Variants in SMAD2 observed in about 807,000 individuals in gnomAD.
The protein encoded by SMAD2 is MAD homolog 2.
In SMAD2, 8 loss-of-function variants were observed where a neutral mutation model predicts 64.4. That is an observed-to-expected ratio of 0.12 (90% CI 0.07 to 0.22). The LOEUF is 0.22. Among genes scored for constraint, SMAD2 ranks in the 10% least tolerant of loss-of-function variants. SMAD2 has a pLI of 1.00. For synonymous variants in SMAD2, 203 were observed against 195.8 expected, an observed-to-expected ratio of 1.04 and a Z score of -0.31; for missense variants, 289 against 561.2, an observed-to-expected ratio of 0.51 and a Z score of 4.90.
chr18:47,882,333 C>T (rs1168718128), intron 2 of SMAD2: 6 of 152,180 alleles, frequency 3.9e-5, no homozygotes, highest in Admixed American at 2.6e-4. Flanking sequence ...TAGCTGAAAC[C>T]ACAGGGGCAT....
rs554656356 is a variant in SMAD2 at position 47,906,644 on chromosome 18, G to C, written c.-53-9835C>G. On this transcript the variant is annotated intron_variant, in intron 1 of 10. Coordinates refer to ENST00000262160, the MANE Select transcript of SMAD2 (RefSeq NM_005901.6). ...TAATCGCAATCACAGCACAAATTTA[G>C]CAAAATCAGTTTCAATGAACTACAG... is the stretch of plus-strand genomic sequence containing the variant. 3.3e-5 allele frequency among the ~76,000 whole-genome samples: 5 copies of C among 152,276 alleles called. No individual in the cohort carries two copies. The South Asian group carries it at 1.0e-3, about 32-fold the overall frequency.
At chr18:47,900,503 C>T (rs1809087326) in intron 1 of SMAD2, among the ~76,000 whole-genome samples, 1 of 152,122 alleles carries the variant, frequency 6.6e-6, no homozygotes, top group South Asian at 2.1e-4. Context: ...TCCCCCTCCC[C>T]ATCCTCCTTT....
chr18:47,834,817 G>A lies in SMAD2; in HGVS notation c.*7010C>T, dbSNP rs1322271574. On this transcript the variant is annotated 3_prime_UTR_variant, in exon 11 of 11. Transcript: ENST00000262160. ...CTCTTTTTGCAATTAATCCAGTTTT[G>A]TATGTCTTTTCTTTCTTTTTTAGGT... The A allele has an allele frequency of 4.6e-6, 1 of 218,436 alleles. No individual in the cohort carries two copies. Among genetic ancestry groups the A allele is most frequent in the African/African-American group, 2.2e-5 (1 of 44,456 alleles). The allele number at this position is 218,436 out of a possible 1,614,324, so 13.5% of individuals were successfully genotyped here.
chr18:47,865,036 A>G, intron 6 of SMAD2, 23 bp downstream of exon 6: 1 of 1,422,234 alleles, frequency 7.0e-7, no homozygotes, highest in Non-Finnish European at 9.9e-7. Context: ...TAACTGAGGA[A>G]TTTTCAAAGA....
At chr18:47,888,699 G>A (rs1047902221) in intron 2 of SMAD2, among the ~76,000 whole-genome samples, 22 of 152,176 alleles carry the variant, frequency 1.4e-4, no homozygotes, top group Non-Finnish European at 1.6e-4. Context: ...GGTAAAGGTA[G>A]GAAAGGTCAA....
intron 1 of SMAD2, among the ~76,000 whole-genome samples, chr18:47,916,769 G>C (rs2034353834): frequency 6.6e-6 from 1 of 152,064 alleles, no homozygotes; most frequent in Non-Finnish European, 1.5e-5. Flanking sequence ...AAGCCAACTT[G>C]GTAATTTGTT....
chr18:47,835,119 A>G lies in SMAD2; in HGVS notation c.*6708T>C, dbSNP rs1351742896. 2 of 220,970 alleles carry G rather than the reference A, an allele frequency of 9.1e-6. No homozygotes were observed. Among genetic ancestry groups the G allele is most frequent in the Non-Finnish European group, 9.0e-6 (1 of 110,542 alleles). 13.7% of individuals were successfully genotyped at this position (220,970 alleles called of 1,614,324 possible). On this transcript the variant is annotated 3_prime_UTR_variant, in exon 11 of 11. Transcript: ENST00000262160. ...TTTTCTTTCTTTACTCTTTTGTATAAAAGGTTAGTGTCACAGCTTCACTAT... is the reference window on the plus strand; with the variant it reads ...TTTTCTTTCTTTACTCTTTTGTATAGAAGGTTAGTGTCACAGCTTCACTAT...
At chr18:47,849,705 T>G (rs562078064) in intron 7 of SMAD2, among the ~76,000 whole-genome samples, 6 of 152,194 alleles carry the variant, frequency 3.9e-5, no homozygotes, top group Admixed American at 2.6e-4. Context: ...AAATATTTGT[T>G]ATACTGTATT....
intron 6 of SMAD2, among the ~76,000 whole-genome samples, 171 bp from the exon 7 acceptor site, chr18:47,851,498 G>A (rs750408619): frequency 2.8e-4 from 39 of 138,414 alleles, no homozygotes; most frequent in Non-Finnish European, 5.2e-4. Context: ...GTGGGGGGTC[G>A]GGGGAAGAGA....
intron 1 of SMAD2, among the ~76,000 whole-genome samples, chr18:47,925,055 C>A (rs1050553059): frequency 6.6e-6 from 1 of 152,138 alleles, no homozygotes; most frequent in Non-Finnish European, 1.5e-5. Flanking sequence ...GAAACTACAT[C>A]CCCCTTCCCC....
rs768654983 is a variant in SMAD2 at position 47,823,537 on chromosome 18, C to T, written c.*18290G>A. 1 of 152,124 alleles carries T rather than the reference C, an allele frequency of 6.6e-6. No homozygotes were observed. The highest frequency in any genetic ancestry group is 2.4e-5 in the African/African-American group (1 of 41,418). 9.4% of individuals were successfully genotyped at this position (152,124 alleles called of 1,614,324 possible). A position where few individuals can be genotyped will look rare whatever the true frequency, so the allele number is the denominator to read the frequency against. On this transcript the variant is annotated 3_prime_UTR_variant, in exon 11 of 11. Transcript: ENST00000262160. ...AAAAAACTACTCCCATGCTCTGAGG[C>T]CTATAAGCTAAGATGTGATTAATTT...
intron 1 of SMAD2, among the ~76,000 whole-genome samples, chr18:47,929,717 A>G (rs1033819898): frequency 1.3e-5 from 2 of 152,248 alleles, no homozygotes; most frequent in Admixed American, 1.3e-4. Context: ...TTTTAAGGAT[A>G]AGTAAAAGAC....
intron 1 of SMAD2, among the ~76,000 whole-genome samples, chr18:47,900,866 G>C (rs1336062115): frequency 1.3e-5 from 2 of 152,064 alleles, no homozygotes; most frequent in Non-Finnish European, 2.9e-5. Context: ...AAAGCATAGT[G>C]TTTTATTTCT....
At chr18:47,921,231 A>G (rs1025513228) in intron 1 of SMAD2, among the ~76,000 whole-genome samples, 1 of 152,266 alleles carries the variant, frequency 6.6e-6, no homozygotes, top group Admixed American at 6.5e-5. Flanking sequence ...AAAGGCATTC[A>G]TTACATACTG....
chr18:47,897,247 G>A (rs1054843064), intron 1 of SMAD2, among the ~76,000 whole-genome samples: 2 of 152,072 alleles, frequency 1.3e-5, no homozygotes, highest in Non-Finnish European at 2.9e-5. Context: ...ACTAATAGGA[G>A]GCAAAATCTA....
chr18:47,845,668 G>A lies in SMAD2; in HGVS notation c.1130C>T (p.Pro377Leu), dbSNP rs2144289947. The A allele has an allele frequency of 6.2e-7, 1 of 1,613,866 alleles. No homozygotes were observed. Among genetic ancestry groups the A allele is most frequent in the Non-Finnish European group, 8.5e-7 (1 of 1,179,830 alleles). The part of the protein sequence containing the change: ...GWHPATVCKI[P>L]PGCNLKIFNN... ...GTACATTATTGAATCCATACCTGGT[G>A]GAATTTTACACACTGTTGCAGGGTG... is the stretch of plus-strand genomic sequence containing the variant. Residue 377 changes from proline (P) to leucine (L), a missense_variant, in exon 9 of 11, where the codon CCA becomes CTA. This residue lies in a region of SMAD2 where 49 missense variants were observed against 101.1 expected (regional missense o/e 0.48). Coordinates refer to ENST00000262160, the MANE Select transcript of SMAD2 (RefSeq NM_005901.6).
chr18:47,875,625 A>T (rs1283542690), intron 2 of SMAD2, among the ~76,000 whole-genome samples: 1 of 152,184 alleles, frequency 6.6e-6, no homozygotes, highest in Non-Finnish European at 1.5e-5. Flanking sequence ...TACACATTCA[A>T]TAAATTTCAC....
At chr18:47,913,580 A>G (rs1036320173) in intron 1 of SMAD2, among the ~76,000 whole-genome samples, 2 of 152,222 alleles carry the variant, frequency 1.3e-5, no homozygotes, top group African/African-American at 4.8e-5. Context: ...CTGATAATAC[A>G]TCTTCAATTA....
At chr18:47,880,028 C>T (rs201188052) in intron 2 of SMAD2, among the ~76,000 whole-genome samples, 2 of 152,190 alleles carry the variant, frequency 1.3e-5, no homozygotes, top group East Asian at 3.8e-4. Context: ...GCTATCTTTA[C>T]ATTACTGAGT....
Sources: gnomAD v4.1 joint callset for allele counts (sites outside exome capture counted in the v4.1 genomes callset) on GRCh38, gnomAD v4.1.1 for gene constraint, gnomAD v4.1.1 regional missense constraint, MANE v1.5 for transcripts, NCBI Gene and HGNC (gene_info 2026-07-23, HGNC 2026-07-21) for gene names.